Variants in FAM227A observed in about 807,000 individuals in gnomAD.
FAM227A encodes the protein family with sequence similarity 227 member A.
A neutral mutation model predicts 74.7 loss-of-function variants in FAM227A; 80 were observed. The observed-to-expected ratio is 1.07, with a 90% confidence interval of 0.89 to 1.29. The LOEUF is 1.29. Ranked by LOEUF, FAM227A falls within the 50% of genes most tolerant of loss-of-function variation. FAM227A has a pLI of 0.00. For synonymous variants in FAM227A, 237 were observed against 241.8 expected (o/e 0.98, Z 0.19); for missense variants, 654 against 683.4 (o/e 0.96, Z 0.48).
intron 3 of FAM227A, among the ~76,000 whole-genome samples, chr22:38,644,674 T>C (rs373213236): frequency 6.6e-6 from 1 of 152,202 alleles, no homozygotes; most frequent in Non-Finnish European, 1.5e-5. Flanking sequence ...TTCTAACTAA[T>C]GTGCCACTAT....
intron 11 of FAM227A, among the ~76,000 whole-genome samples, chr22:38,612,075 G>C (rs900376598): frequency 2.6e-5 from 4 of 152,008 alleles, no homozygotes; most frequent in Non-Finnish European, 5.9e-5. Flanking sequence ...CTCCCAATGC[G>C]TCAGGTCTGT....
At chr22:38,607,500 G>T in intron 11 of FAM227A, 24 bp from the exon 12 acceptor site, 1 of 1,465,938 alleles carries the variant, frequency 6.8e-7, no homozygotes. Context: ...GAGAGAGAAA[G>T]AGAGGGAGAA....
In FAM227A at chr22:38,623,218, T is replaced by A; in HGVS notation, c.912A>T (p.Arg304=). Residue 304 remains arginine, a synonymous_variant, in exon 10 of 17, where the codon CGA becomes CGT. Transcript: ENST00000535113. ...SWDYSELDPE[R]FRREELMLYR... ...ACAACATTAATTCTTCTCTGCGGAA[T>A]CGCTCTGGGTCTAGTTCCGAGTAGT... 1 of 1,551,720 alleles carries A rather than the reference T, an allele frequency of 6.4e-7. No individual in the cohort carries two copies. Among genetic ancestry groups the A allele is most frequent in the Non-Finnish European group, 8.7e-7 (1 of 1,146,970 alleles).
rs924160483 is a variant in FAM227A, at chr22:38,583,106, T to C, written c.*3019A>G. 1.4e-4 allele frequency: 102 copies of C among 748,396 alleles called. No individual in the cohort carries two copies. In the East Asian group the frequency reaches 2.4e-3, roughly 18 times the overall value. 46.4% of individuals were successfully genotyped at this position (748,396 alleles called of 1,614,324 possible). A position where few individuals can be genotyped will look rare whatever the true frequency, so the allele number is the denominator to read the frequency against. The stretch of plus-strand genomic sequence containing the variant: ...AGGGAAGGTGAGAGAGTGTTCTGCT[T>C]ATCTGCCCCACATGGTGCCTTGTAC... On this transcript the variant is annotated 3_prime_UTR_variant, in exon 17 of 17. Coordinates refer to ENST00000535113, the MANE Select transcript of FAM227A (RefSeq NM_001013647.2).
At chr22:38,597,437 G>C in intron 14 of FAM227A, 81 bp from the exon 15 acceptor site, 2 of 1,334,268 alleles carry the variant, frequency 1.5e-6, no homozygotes, top group Non-Finnish European at 2.1e-6. Context: ...CGCAGTGCAT[G>C]GGGAAGAGGG....
In FAM227A at chr22:38,584,429, A is replaced by G. The variant is rs1331506828; in HGVS notation, c.*1696T>C. The G allele has an allele frequency of 6.6e-6, 1 of 152,192 alleles. No homozygotes were observed. The highest frequency in any genetic ancestry group is 1.5e-5 in the Non-Finnish European group (1 of 68,044). The allele number at this position is 152,192 out of a possible 1,614,324, so 9.4% of individuals were successfully genotyped here. A position where few individuals can be genotyped will look rare whatever the true frequency, so the allele number is the denominator to read the frequency against. On this transcript the variant is annotated 3_prime_UTR_variant, in exon 17 of 17. Coordinates refer to ENST00000535113, the MANE Select transcript of FAM227A (RefSeq NM_001013647.2). ...ACTCAGCACATACTAAGTACTCAAT[A>G]AATGACATCACCTATGATTACTATT...
intron 11 of FAM227A, among the ~76,000 whole-genome samples, chr22:38,613,084 A>ATATATATTATATATATAAT (rs1355254094): frequency 2.3e-5 from 2 of 87,210 alleles, no homozygotes; most frequent in Non-Finnish European, 4.2e-5. Context: ...ATATATAATT[A>ATATATATTATATATATAAT]TATATATATA....
rs540968575 is a variant in FAM227A at position 38,630,659 on chromosome 22, A to C, written c.520-1724T>G. On this transcript the variant is annotated intron_variant, in intron 6 of 16. Coordinates refer to ENST00000535113, the MANE Select transcript of FAM227A (RefSeq NM_001013647.2). Reference sequence around the variant, plus strand: ...CATTCACACTCCTCCCACCTTTCAAAAAGGATTTCATGTCAGCTCTTCAAC... The same window carrying C: ...CATTCACACTCCTCCCACCTTTCAACAAGGATTTCATGTCAGCTCTTCAAC... 2.6e-5 allele frequency among the ~76,000 whole-genome samples: 4 copies of C among 152,302 alleles called. No individual in the cohort carries two copies. In the East Asian group the frequency reaches 7.7e-4, roughly 29 times the overall value.
Position 38,582,627 on chromosome 22 carries a change from T to C in FAM227A, c.*3498A>G. 1 of 731,260 alleles carries C rather than the reference T, an allele frequency of 1.4e-6. No individual in the cohort carries two copies. The highest frequency in any genetic ancestry group is 2.2e-6 in the Non-Finnish European group (1 of 455,468). 45.3% of individuals were successfully genotyped at this position (731,260 alleles called of 1,614,324 possible). ...GGCTACAACTCTGAGTCCTCAGTCA[T>C]TTCTGGAAAGGGTCCATGCAGGGAT... On this transcript the variant is annotated 3_prime_UTR_variant, in exon 17 of 17. Coordinates refer to ENST00000535113, the MANE Select transcript of FAM227A (RefSeq NM_001013647.2).
At chr22:38,655,769 C>T (rs1054935707) in intron 1 of FAM227A, among the ~76,000 whole-genome samples, 2 of 152,268 alleles carry the variant, frequency 1.3e-5, no homozygotes, top group African/African-American at 4.8e-5. Flanking sequence ...ACATGGAAGT[C>T]TCCCCTCTTT....
intron 10 of FAM227A, among the ~76,000 whole-genome samples, chr22:38,620,879 A>AG (rs1013715671): frequency 1.3e-5 from 2 of 152,194 alleles, no homozygotes; most frequent in African/African-American, 4.8e-5. Flanking sequence ...CAGGAAAAAA[A>AG]GGACTGGTTT....
In FAM227A at chr22:38,639,635, G is replaced by A. The variant is rs558432891; in HGVS notation, c.295+20C>T. ...CAAACCCCATGAAAAGAGCATCAAG[G>A]CTGAGGGAAAGGTTTTTGCCTTTGT... On this transcript the variant is annotated intron_variant, in intron 4 of 16. Coordinates refer to ENST00000535113, the MANE Select transcript of FAM227A (RefSeq NM_001013647.2). The A allele has an allele frequency of 3.2e-6, 5 of 1,551,066 alleles. No homozygotes were observed. The African/African-American group carries it at 5.5e-5, about 17-fold the overall frequency.
At position 38,583,171 on chromosome 22, in the gene FAM227A, CTTT is replaced by C. The variant is rs34386912; in HGVS notation, c.*2951_*2953del. 880 of 243,644 alleles carry C rather than the reference CTTT, an allele frequency of 3.6e-3. No individual in the cohort carries two copies. Among genetic ancestry groups the C allele is most frequent in the South Asian group, 6.9e-3 (124 of 17,930 alleles). The allele number at this position is 243,644 out of a possible 1,614,324, so 15.1% of individuals were successfully genotyped here. On this transcript the variant is annotated 3_prime_UTR_variant, in exon 17 of 17. Transcript: ENST00000535113. ...CACGTTCTGGTTTCAGAAGACTATACTTTTTTTTTTTTTTTTTTGAGATGGAGT... is the reference window on the plus strand; with the variant it reads ...CACGTTCTGGTTTCAGAAGACTATACTTTTTTTTTTTTTTTGAGATGGAGT...
At chr22:38,638,541 G>T (rs1482210904) in intron 5 of FAM227A, among the ~76,000 whole-genome samples, 1 of 152,176 alleles carries the variant, frequency 6.6e-6, no homozygotes, top group African/African-American at 2.4e-5. Context: ...ACAGACACAT[G>T]ACCTCTGTCA....
At chr22:38,590,107 A>ACAAAC (rs1216914055) in intron 16 of FAM227A, among the ~76,000 whole-genome samples, 1 of 150,896 alleles carries the variant, frequency 6.6e-6, no homozygotes, top group Non-Finnish European at 1.5e-5. Flanking sequence ...ACAAAACAAA[A>ACAAAC]CAAAACAAAA....
In FAM227A at chr22:38,642,042, T is replaced by A. The variant is rs541697446; in HGVS notation, c.226-2318A>T. ...TTTGTATTTTTTCCCAATAAAAATG[T>A]ACCAAAATTAACCTTCAGACTTCTC... On this transcript the variant is annotated intron_variant, in intron 3 of 16. Transcript: ENST00000535113. 5.9e-5 allele frequency among the ~76,000 whole-genome samples: 9 copies of A among 152,328 alleles called. No homozygotes were observed. In the East Asian group the frequency reaches 1.7e-3, roughly 29 times the overall value.
chr22:38,649,875 AAAAAGAAAG>A (rs1026548465), intron 2 of FAM227A, 143 bp downstream of exon 2: 135 of 726,138 alleles, frequency 1.9e-4, no homozygotes, highest in South Asian at 5.7e-4. Context: ...CTCAAAAAAA[AAAAAGAAAG>A]AAAAGAAAAG....
intron 10 of FAM227A, among the ~76,000 whole-genome samples, chr22:38,622,573 G>C (rs774294009): frequency 3.4e-4 from 52 of 152,116 alleles, no homozygotes; most frequent in Non-Finnish European, 6.3e-4. Flanking sequence ...AGGTTGTCGT[G>C]AGGATTAAAT....
At chr22:38,654,301 C>A (rs1438737775) in intron 1 of FAM227A, among the ~76,000 whole-genome samples, 1 of 151,340 alleles carries the variant, frequency 6.6e-6, no homozygotes, top group Non-Finnish European at 1.5e-5. Flanking sequence ...TGAGCCGGAT[C>A]GCGCCACTGC....
Sources: allele counts gnomAD v4.1 joint callset (sites outside exome capture counted in the v4.1 genomes callset), GRCh38; gene constraint gnomAD v4.1.1; transcripts MANE v1.5; gene names NCBI Gene and HGNC (gene_info 2026-07-23, HGNC 2026-07-21).